Variants in CLOCK observed in about 807,000 individuals in gnomAD.
CLOCK encodes circadian locomoter output cycles protein kaput.
In CLOCK, 43 loss-of-function variants were observed where a neutral mutation model predicts 118.4. That is an observed-to-expected ratio of 0.36 (90% CI 0.28 to 0.47). The LOEUF (loss-of-function observed/expected upper bound fraction) is 0.47, where lower values mean the gene tolerates loss of function less well. CLOCK is among the 20% of genes least tolerant of loss of function. The probability of loss-of-function intolerance (pLI) is 1.00; values close to 1 mark genes in which losing one functional copy is unlikely to be tolerated. For synonymous variants in CLOCK, 326 were observed against 339.2 expected (o/e 0.96, Z 0.43); for missense variants, 846 against 999.9 (o/e 0.85, Z 2.08).
chr4:55,513,039 A>T (rs1434721921), intron 1 of CLOCK, among the ~76,000 whole-genome samples: 3 of 152,128 alleles, frequency 2.0e-5, no homozygotes, highest in Non-Finnish European at 4.4e-5. Flanking sequence ...GTGTAGTCTA[A>T]GTGTACAGTG....
intron 14 of CLOCK, 31 bp downstream of exon 14, chr4:55,453,646 T>C: frequency 6.3e-7 from 1 of 1,591,370 alleles, no homozygotes; most frequent in Non-Finnish European, 8.6e-7. Context: ...GATGTTACAG[T>C]AATTCAGAAA....
At chr4:55,542,370 ATAATAATAATATTAT>A (rs200910006) in intron 1 of CLOCK, among the ~76,000 whole-genome samples, 27,634 of 108,698 alleles carry the variant, frequency 0.25, 3,101 homozygotes, top group East Asian at 0.3. Flanking sequence ...AATAATAATA[ATAATAATAATATTAT>A]TATTATTATT....
intron 18 of CLOCK, among the ~76,000 whole-genome samples, chr4:55,448,195 G>A (rs1018632323): frequency 2.6e-5 from 4 of 152,138 alleles, no homozygotes; most frequent in African/African-American, 9.7e-5. Flanking sequence ...AGATGTAATG[G>A]TTTTTTAGTT....
At chr4:55,503,643 A>AT (rs1336447080) in intron 2 of CLOCK, among the ~76,000 whole-genome samples, 4 of 151,980 alleles carry the variant, frequency 2.6e-5, no homozygotes, top group African/African-American at 2.4e-5. Context: ...CAGTCCCTTG[A>AT]TTTTTTAAAT....
intron 18 of CLOCK, 136 bp downstream of exon 18, chr4:55,448,643 T>TGTGTGC (rs1553891283): frequency 2.9e-5 from 17 of 579,554 alleles, no homozygotes; most frequent in African/African-American, 3.8e-5. Flanking sequence ...TGTGTGTGTG[T>TGTGTGC]GCTCCTACCT....
At chr4:55,450,422 A>T (rs1300179846) in intron 15 of CLOCK, among the ~76,000 whole-genome samples, 190 bp from the exon 16 acceptor site, 1 of 152,228 alleles carries the variant, frequency 6.6e-6, no homozygotes, top group Non-Finnish European at 1.5e-5. Context: ...TTCATTTTCT[A>T]TTTAAAGAAA....
chr4:55,485,048 C>T (rs1727208071), intron 3 of CLOCK, among the ~76,000 whole-genome samples: 1 of 152,230 alleles, frequency 6.6e-6, no homozygotes, highest in African/African-American at 2.4e-5. Context: ...ATTGCAACCT[C>T]CGCCTCCCAG....
At position 55,546,852 on chromosome 4, in the gene CLOCK, C is replaced by T. The variant is rs1016951518; in HGVS notation, c.-360G>A. On this transcript the variant is annotated 5_prime_UTR_variant, in exon 1 of 23. Transcript: ENST00000513440. The stretch of plus-strand genomic sequence containing the variant: ...GCTCTCCGGGGTTTCCTTTTTTAAA[C>T]CGGCAGCCGCAAGCCGAGTCCGTGA... The T allele has an allele frequency of 6.6e-6, 1 of 152,144 alleles. No homozygotes were observed. The highest frequency in any genetic ancestry group is 2.4e-5 in the African/African-American group (1 of 41,450). The allele number at this position is 152,144 out of a possible 1,614,324, so 9.4% of individuals were successfully genotyped here.
chr4:55,489,004 ATT>A (rs1727490417), intron 3 of CLOCK, among the ~76,000 whole-genome samples: 1 of 152,204 alleles, frequency 6.6e-6, no homozygotes, highest in South Asian at 2.1e-4. Context: ...AACTGCTAGG[ATT>A]ACAGGCACAA....
chr4:55,476,102 G>A, intron 6 of CLOCK, 48 bp from the exon 7 acceptor site: 1 of 1,219,704 alleles, frequency 8.2e-7, no homozygotes, highest in Admixed American at 1.7e-5. Flanking sequence ...CACCGGAGGA[G>A]TACAAAAGCC....
chr4:55,479,001 A>G, intron 5 of CLOCK, 38 bp from the exon 6 acceptor site: 3 of 1,487,824 alleles, frequency 2.0e-6, no homozygotes. Flanking sequence ...TAAACAATCC[A>G]TTTAATTACA....
intron 1 of CLOCK, among the ~76,000 whole-genome samples, chr4:55,523,237 T>C (rs1729956831): frequency 1.3e-5 from 2 of 152,024 alleles, no homozygotes; most frequent in South Asian, 4.2e-4. Flanking sequence ...GAGGCGGAGC[T>C]TGCAGTGAGC....
rs576179125 is a variant in CLOCK, at chr4:55,432,631, G to A, written c.*2784C>T. On this transcript the variant is annotated 3_prime_UTR_variant, in exon 23 of 23. Coordinates refer to ENST00000513440, the MANE Select transcript of CLOCK (RefSeq NM_004898.4). Reference sequence around the variant, plus strand: ...GCTCAAGTTTCATGGGGCAGGGTGGGGGGCGGGATAGCTTTGCAACCCAAA... The same window carrying A: ...GCTCAAGTTTCATGGGGCAGGGTGGAGGGCGGGATAGCTTTGCAACCCAAA... The A allele has an allele frequency of 8.9e-6, 1 of 112,852 alleles. No individual in the cohort carries two copies. Among genetic ancestry groups the A allele is most frequent in the East Asian group, 3.2e-4 (1 of 3,128 alleles). 7.0% of individuals were successfully genotyped at this position (112,852 alleles called of 1,614,324 possible). A position where few individuals can be genotyped will look rare whatever the true frequency, so the allele number is the denominator to read the frequency against.
chr4:55,481,406 G>A, intron 4 of CLOCK, among the ~76,000 whole-genome samples: 1 of 152,122 alleles, frequency 6.6e-6, no homozygotes, highest in East Asian at 1.9e-4. Context: ...ATCCCTAGGT[G>A]TCATACTATC....
At chr4:55,500,861 C>T (rs1258006023) in intron 2 of CLOCK, among the ~76,000 whole-genome samples, 1 of 151,898 alleles carries the variant, frequency 6.6e-6, no homozygotes, top group East Asian at 1.9e-4. Context: ...TGTTTTTGCG[C>T]TTGTTTTTGA....
chr4:55,467,122 C>T (rs1725788772), intron 8 of CLOCK, among the ~76,000 whole-genome samples: 1 of 151,998 alleles, frequency 6.6e-6, no homozygotes, highest in African/African-American at 2.4e-5. Flanking sequence ...TTTAAAATGT[C>T]CAGAAGAAAA....
intron 1 of CLOCK, among the ~76,000 whole-genome samples, chr4:55,525,628 C>T (rs1379657049): frequency 2.0e-5 from 3 of 152,042 alleles, no homozygotes; most frequent in African/African-American, 7.2e-5. Context: ...ACCACCATGC[C>T]CAGCTAATTT....
rs953011175 is a variant in CLOCK at position 55,434,741 on chromosome 4, G to C, written c.*674C>G. On this transcript the variant is annotated 3_prime_UTR_variant, in exon 23 of 23. Transcript: ENST00000513440. The stretch of plus-strand genomic sequence containing the variant: ...ACAAAAGGAAAAACAGGATGGATCA[G>C]TTTGCACATGGTGTCAGAATTTCAG... 1 of 155,038 alleles carries C rather than the reference G, an allele frequency of 6.5e-6. No homozygotes were observed. Among genetic ancestry groups the C allele is most frequent in the Non-Finnish European group, 1.4e-5 (1 of 69,612 alleles). 9.6% of individuals were successfully genotyped at this position (155,038 alleles called of 1,614,324 possible). A position where few individuals can be genotyped will look rare whatever the true frequency, so the allele number is the denominator to read the frequency against.
chr4:55,506,477 G>A (rs917163765), intron 2 of CLOCK, among the ~76,000 whole-genome samples: 7 of 152,046 alleles, frequency 4.6e-5, no homozygotes, highest in African/African-American at 1.7e-4. Flanking sequence ...TGTAAGAGCT[G>A]CGAAAAGTTC....
Sources: gnomAD v4.1 joint callset for allele counts (sites outside exome capture counted in the v4.1 genomes callset) on GRCh38, gnomAD v4.1.1 for gene constraint, MANE v1.5 for transcripts, NCBI Gene and HGNC (gene_info 2026-07-23, HGNC 2026-07-21) for gene names.